The following SUPT5H variants were observed in gnomAD, a reference collection of about 807,000 sequenced individuals.
SUPT5H encodes the protein SPT5 homolog, DSIF elongation factor subunit, also known as transcription elongation factor SPT5.
A neutral mutation model predicts 142.5 loss-of-function variants in SUPT5H; 24 were observed. The ratio of observed to expected loss-of-function variants is 0.17; its 90% CI spans 0.12 to 0.24. SUPT5H has a LOEUF of 0.24. SUPT5H is among the 10% of genes least tolerant of loss of function. The pLI is 1.00. For missense variants in SUPT5H, 893 were observed against 1,471.8 expected (o/e 0.61, Z 6.43); for synonymous variants, 546 against 553.0 (o/e 0.99, Z 0.18).
intron 3 of SUPT5H, among the ~76,000 whole-genome samples, chr19:39,454,545 T>C (rs1182261345): frequency 6.6e-6 from 1 of 151,588 alleles, no homozygotes; most frequent in Non-Finnish European, 1.5e-5. Flanking sequence ...AGGGTTTCAC[T>C]GTGTTAGGAT....
chr19:39,447,953 C>G (rs1379935900), intron 2 of SUPT5H, among the ~76,000 whole-genome samples: 1 of 152,136 alleles, frequency 6.6e-6, no homozygotes, highest in East Asian at 1.9e-4. Context: ...GTTGCCAATG[C>G]TTGTGAGGGA....
rs543822768 is a variant in SUPT5H, at chr19:39,445,826, C to G, written c.-65C>G. On this transcript the variant is annotated 5_prime_UTR_variant, in exon 2 of 30. Coordinates refer to ENST00000432763, the MANE Select transcript of SUPT5H (RefSeq NM_001111020.3). ...CAGGGAACCAGCGGGGAAACTGAGG[C>G]TCGGGGTGGAGCGCAGGATTGTGGG... 6.4e-7 allele frequency: 1 copy of G among 1,573,560 alleles called. No individual in the cohort carries two copies. Among genetic ancestry groups the G allele is most frequent in the Admixed American group, 1.8e-5 (1 of 55,512 alleles).
At chr19:39,468,066 T>C (rs2079267142) in intron 13 of SUPT5H, 1 of 152,416 alleles carries the variant, frequency 6.6e-6, no homozygotes, top group South Asian at 2.1e-4. Flanking sequence ...AGGAGGAACT[T>C]GACCTGCTCC....
chr19:39,457,330 C>T (rs958267626), intron 3 of SUPT5H, among the ~76,000 whole-genome samples: 1 of 152,196 alleles, frequency 6.6e-6, no homozygotes, highest in African/African-American at 2.4e-5. Context: ...ACCAACAGAC[C>T]ATGAACCATC....
chr19:39,464,275 G>C (rs868603689), intron 10 of SUPT5H, among the ~76,000 whole-genome samples: 1 of 152,138 alleles, frequency 6.6e-6, no homozygotes, highest in African/African-American at 2.4e-5. Context: ...ATGAGCCACC[G>C]TGCCCGGCTC....
chr19:39,457,858 C>G (rs772346147), intron 4 of SUPT5H, 118 bp downstream of exon 4: 18 of 1,509,448 alleles, frequency 1.2e-5, no homozygotes, highest in Non-Finnish European at 1.5e-5. Flanking sequence ...CCGTCCTCAC[C>G]TTGCTTCTTT....
intron 10 of SUPT5H, 176 bp downstream of exon 10, chr19:39,460,136 T>A (rs572720415): frequency 1.6e-6 from 1 of 635,510 alleles, no homozygotes; most frequent in African/African-American, 1.8e-5. Flanking sequence ...TCGGCCTAGA[T>A]GGATATGTTG....
In SUPT5H at chr19:39,458,348, T is replaced by C. The variant is rs1158812939; in HGVS notation, c.319+43T>C. 2 of 1,540,100 alleles carry C rather than the reference T, an allele frequency of 1.3e-6. No homozygotes were observed. The highest frequency in any genetic ancestry group is 1.4e-5 in the African/African-American group (1 of 72,230). On this transcript the variant is annotated intron_variant, in intron 5 of 29. Transcript: ENST00000432763. The surrounding 1 kb of genome is among the most constrained non-coding windows in gnomAD (Gnocchi z 4.2). ...GTGATTCCCTGACCTTCCTCCCATA[T>C]CCTGACATTTCCTCCTTCCTGAGGC...
chr19:39,460,047 C>T (rs2079141677), intron 10 of SUPT5H, 87 bp downstream of exon 10: 1 of 1,426,878 alleles, frequency 7.0e-7, no homozygotes, highest in African/African-American at 1.4e-5. Context: ...TACCAGGTGC[C>T]TCTGTTGTGA....
In SUPT5H at chr19:39,471,510, A is replaced by T; in HGVS notation, c.1824+7A>T. ...CATTGATGGCCCCCACTCAGTGAGT[A>T]CAAGTTCCTGCTTTTGAGCTGCATC... is the stretch of plus-strand genomic sequence containing the variant. On this transcript the variant is annotated splice_region_variant and intron_variant, in intron 19 of 29. Coordinates refer to ENST00000432763, the MANE Select transcript of SUPT5H (RefSeq NM_001111020.3). The T allele has an allele frequency of 6.2e-7, 1 of 1,614,214 alleles. No individual in the cohort carries two copies. The highest frequency in any genetic ancestry group is 8.5e-7 in the Non-Finnish European group (1 of 1,180,010).
At chr19:39,461,003 A>G (rs1422326442) in intron 10 of SUPT5H, among the ~76,000 whole-genome samples, 2 of 152,294 alleles carry the variant, frequency 1.3e-5, no homozygotes, top group African/African-American at 4.8e-5. Context: ...AAGGCCGGCC[A>G]TGGTGGCTCA....
chr19:39,447,390 CA>C (rs1403799277), intron 2 of SUPT5H, among the ~76,000 whole-genome samples: 1 of 151,040 alleles, frequency 6.6e-6, no homozygotes, highest in East Asian at 1.9e-4. Flanking sequence ...TTCCAGGAAC[CA>C]AAAAACCAAC....
chr19:39,458,563 A>G lies in SUPT5H; in HGVS notation c.320-255A>G. The G allele has an allele frequency of 1.3e-6, 1 of 752,918 alleles. No homozygotes were observed. Among genetic ancestry groups the G allele is most frequent in the South Asian group, 1.8e-5 (1 of 55,584 alleles). The allele number at this position is 752,918 out of a possible 1,614,324, so 46.6% of individuals were successfully genotyped here. A position where few individuals can be genotyped will look rare whatever the true frequency, so the allele number is the denominator to read the frequency against. ...CGATGTGTGGGGTGGGGTGCAGTCC[A>G]GGGTGTGCCTGGACTTTGAGATGGG... On this transcript the variant is annotated intron_variant, in intron 5 of 29. Coordinates refer to ENST00000432763, the MANE Select transcript of SUPT5H (RefSeq NM_001111020.3). The surrounding 1 kb of genome is among the most constrained non-coding windows in gnomAD (Gnocchi z 4.2).
At position 39,473,162 on chromosome 19, in the gene SUPT5H, G is replaced by C; in HGVS notation, c.2259-41G>C. 1 of 1,610,732 alleles carries C rather than the reference G, an allele frequency of 6.2e-7. No individual in the cohort carries two copies. The highest frequency in any genetic ancestry group is 8.5e-7 in the Non-Finnish European group (1 of 1,179,550). On this transcript the variant is annotated intron_variant, in intron 23 of 29. Coordinates refer to ENST00000432763, the MANE Select transcript of SUPT5H (RefSeq NM_001111020.3). This position sits in a 1 kb window ranked among gnomAD's most constrained non-coding sequence, Gnocchi z 5.8. Reference sequence around the variant, plus strand: ...GCCAGGGTGGGGCTTGCTAGGCAGTGAGAGGGGTCTGCTCACCCCATTTGT... The same window carrying C: ...GCCAGGGTGGGGCTTGCTAGGCAGTCAGAGGGGTCTGCTCACCCCATTTGT...
At chr19:39,453,183 T>A (rs1257894340) in intron 2 of SUPT5H, among the ~76,000 whole-genome samples, 173 bp from the exon 3 acceptor site, 3 of 151,746 alleles carry the variant, frequency 2.0e-5, no homozygotes, top group Non-Finnish European at 4.4e-5. Flanking sequence ...GTGCTGTCGC[T>A]GAGATAGGAT....
chr19:39,466,439 G>C lies in SUPT5H; in HGVS notation c.877-41G>C. On this transcript the variant is annotated intron_variant, in intron 11 of 29. Transcript: ENST00000432763. This position sits in a 1 kb window ranked among gnomAD's most constrained non-coding sequence, Gnocchi z 4.3. Reference sequence around the variant, plus strand: ...CCCTTCTTGTGTCTGGGGTCAGGGAGGAGAGTGGGGCCCTGCTGACCTTCT... The same window carrying C: ...CCCTTCTTGTGTCTGGGGTCAGGGACGAGAGTGGGGCCCTGCTGACCTTCT... 1.3e-6 allele frequency: 2 copies of C among 1,576,470 alleles called. No individual in the cohort carries two copies. The highest frequency in any genetic ancestry group is 1.7e-6 in the Non-Finnish European group (2 of 1,147,052).
In SUPT5H at chr19:39,474,113, G is replaced by T; in HGVS notation, c.2643G>T (p.Thr881=). The T allele has an allele frequency of 6.3e-7, 1 of 1,598,748 alleles. No homozygotes were observed. The highest frequency in any genetic ancestry group is 8.5e-7 in the Non-Finnish European group (1 of 1,171,020). ...AATACAACCCGCAGACGCCAGGGAC[G>T]CCGGCCATGTGAGTCCACTGGGGCC... ...NPQYNPQTPG[T]PAMYNTDQFS... is the part of the protein sequence containing the mutation. Residue 881 remains threonine, a synonymous_variant, in exon 26 of 30, where the codon ACG becomes ACT. Transcript: ENST00000432763. This position sits in a 1 kb window ranked among gnomAD's most constrained non-coding sequence, Gnocchi z 6.5.
At position 39,445,811 on chromosome 19, in the gene SUPT5H, G is replaced by C; in HGVS notation, c.-80G>C. The C allele has an allele frequency of 6.5e-7, 1 of 1,544,458 alleles. No individual in the cohort carries two copies. Among genetic ancestry groups the C allele is most frequent in the Non-Finnish European group, 8.8e-7 (1 of 1,132,690 alleles). On this transcript the variant is annotated 5_prime_UTR_variant, in exon 2 of 30. Transcript: ENST00000432763. ...GGGGTTTTCTTCTCCCAGGGAACCA[G>C]CGGGGAAACTGAGGCTCGGGGTGGA... is the stretch of plus-strand genomic sequence containing the variant.
At chr19:39,450,226 C>T (rs1357240977) in intron 2 of SUPT5H, among the ~76,000 whole-genome samples, 1 of 151,988 alleles carries the variant, frequency 6.6e-6, no homozygotes, top group South Asian at 2.1e-4. Flanking sequence ...GGTGTGAGCC[C>T]CCATGCCTAG....
Sources: allele counts gnomAD v4.1 joint callset (sites outside exome capture counted in the v4.1 genomes callset), GRCh38; gene constraint gnomAD v4.1.1; non-coding constraint Gnocchi (gnomAD v3.1); transcripts MANE v1.5; gene names NCBI Gene and HGNC (gene_info 2026-07-23, HGNC 2026-07-21).